Variants in EVC2 observed in about 807,000 individuals in gnomAD.
The protein encoded by EVC2 is limbin.
In EVC2, 148 loss-of-function variants were observed where a neutral mutation model predicts 149.3. The ratio of observed to expected loss-of-function variants is 0.99; its 90% CI spans 0.87 to 1.14. The LOEUF (loss-of-function observed/expected upper bound fraction) is 1.14, where lower values mean the gene tolerates loss of function less well. EVC2 is among the 50% of genes most tolerant of loss of function. The probability of loss-of-function intolerance (pLI) is 0.00; values close to 1 mark genes in which losing one functional copy is unlikely to be tolerated. For synonymous variants in EVC2, 776 were observed against 649.9 expected, an observed-to-expected ratio of 1.19 and a Z score of -2.95; for missense variants, 1,854 against 1,627.3, an observed-to-expected ratio of 1.14 and a Z score of -2.40.
chr4:5,706,018 CA>C (rs1157795283), intron 1 of EVC2, among the ~76,000 whole-genome samples: 3 of 152,272 alleles, frequency 2.0e-5, no homozygotes, highest in South Asian at 2.1e-4. Flanking sequence ...GTCCCAGCAT[CA>C]GGGGGCCAGA....
chr4:5,627,225 G>C (rs144686573), intron 12 of EVC2, among the ~76,000 whole-genome samples: 1 of 152,300 alleles, frequency 6.6e-6, no homozygotes, highest in South Asian at 2.1e-4. Flanking sequence ...GAAGGAACAG[G>C]TGAAGGAATC....
chr4:5,571,897 G>A (rs1283821477), intron 19 of EVC2, among the ~76,000 whole-genome samples: 3 of 152,162 alleles, frequency 2.0e-5, no homozygotes, highest in Non-Finnish European at 1.5e-5. Flanking sequence ...GGCCTGGAGA[G>A]AACAAGAAGG....
At chr4:5,550,144 G>A (rs1020544916) in intron 21 of EVC2, among the ~76,000 whole-genome samples, 23 of 152,158 alleles carry the variant, frequency 1.5e-4, no homozygotes, top group African/African-American at 4.8e-4. Flanking sequence ...TTGGTACTGG[G>A]AGTGGGGTGC....
chr4:5,598,772 G>T (rs977892047), intron 16 of EVC2, among the ~76,000 whole-genome samples: 1 of 152,114 alleles, frequency 6.6e-6, no homozygotes, highest in Non-Finnish European at 1.5e-5. Context: ...TACCACCAGA[G>T]TGAACAGGCA....
At chr4:5,620,850 C>T (rs148197732) in intron 14 of EVC2, among the ~76,000 whole-genome samples, 1,787 of 152,288 alleles carry the variant, frequency 0.012, 38 homozygotes, top group African/African-American at 0.041. Context: ...TCACTTGCTA[C>T]GAAGAGTCCA....
intron 9 of EVC2, among the ~76,000 whole-genome samples, chr4:5,641,676 G>C (rs539237883): frequency 6.6e-6 from 1 of 152,070 alleles, no homozygotes; most frequent in Admixed American, 6.6e-5. Flanking sequence ...TTATGTTATG[G>C]TAAAAATACA....
At chr4:5,638,105 T>C (rs1577191250) in intron 10 of EVC2, among the ~76,000 whole-genome samples, 1 of 151,822 alleles carries the variant, frequency 6.6e-6, no homozygotes, top group African/African-American at 2.4e-5. Context: ...TAAAAAAAAA[T>C]TGGCCATGCG....
At chr4:5,532,311 C>T in the EVC2 span, among the ~76,000 whole-genome samples, 1 of 152,142 alleles carries the variant, frequency 6.6e-6, no homozygotes, top group Admixed American at 6.5e-5. Context: ...GGACGAGGCC[C>T]ACCCACATTA....
chr4:5,580,530 T>C (rs1362320657), intron 17 of EVC2, among the ~76,000 whole-genome samples: 2 of 152,156 alleles, frequency 1.3e-5, no homozygotes, highest in Non-Finnish European at 2.9e-5. Flanking sequence ...ACTGAGGGTG[T>C]TTCTTGGGCA....
At position 5,622,389 on chromosome 4, in the gene EVC2, T is replaced by C. The variant is rs73794678; in HGVS notation, c.2501+148A>G. On this transcript the variant is annotated intron_variant, in intron 14 of 21. Transcript: ENST00000344408. This position sits in a 1 kb window ranked among gnomAD's most constrained non-coding sequence, Gnocchi z 5.8. ...CATTCGAGGTCCTCCCCCCGGGGCG[T>C]TGAGTTTATATGACTAATTAACGCT... The C allele has an allele frequency of 4.5e-3, 4,186 of 928,034 alleles. 102 individuals carry two copies. In the African/African-American group the frequency reaches 0.058, roughly 13 times the overall value. 57.5% of individuals were successfully genotyped at this position (928,034 alleles called of 1,614,324 possible).
chr4:5,593,926 C>G (rs113377644), intron 16 of EVC2, among the ~76,000 whole-genome samples: 4,449 of 152,334 alleles, frequency 0.029, 189 homozygotes, highest in African/African-American at 0.096. Context: ...ATATCCCCCA[C>G]CTGGCTTGGA....
At chr4:5,577,065 G>A (rs1317873965) in intron 17 of EVC2, among the ~76,000 whole-genome samples, 2 of 152,238 alleles carry the variant, frequency 1.3e-5, no homozygotes, top group Non-Finnish European at 2.9e-5. Flanking sequence ...GCACTGCTCT[G>A]TGTACTTTCC....
intron 16 of EVC2, among the ~76,000 whole-genome samples, chr4:5,591,735 T>C (rs995470660): frequency 2.0e-5 from 3 of 152,220 alleles, no homozygotes; most frequent in African/African-American, 7.2e-5. Flanking sequence ...AGAATGTGTC[T>C]CTAGAGAGGG....
intron 1 of EVC2, among the ~76,000 whole-genome samples, chr4:5,698,868 C>T (rs1211331305): frequency 6.6e-6 from 1 of 152,232 alleles, no homozygotes; most frequent in Non-Finnish European, 1.5e-5. Flanking sequence ...ATGCTCAGGC[C>T]TGGCTTTGGG....
intron 1 of EVC2, among the ~76,000 whole-genome samples, chr4:5,699,978 TA>T (rs1232850115): frequency 6.6e-6 from 1 of 151,612 alleles, no homozygotes; most frequent in Non-Finnish European, 1.5e-5. Context: ...CTGCCTCTAC[TA>T]AAAATACACA....
At chr4:5,556,976 T>G (rs1471059401) in intron 21 of EVC2, among the ~76,000 whole-genome samples, 1 of 152,186 alleles carries the variant, frequency 6.6e-6, no homozygotes, top group Non-Finnish European at 1.5e-5. Context: ...CAGATCATTT[T>G]ACTGGTGAAT....
At chr4:5,615,349 G>A (rs1387000664) in intron 16 of EVC2, 73 bp downstream of exon 16, 3 of 1,608,174 alleles carry the variant, frequency 1.9e-6, no homozygotes, top group African/African-American at 2.7e-5. Flanking sequence ...CTGTGTGCCT[G>A]CAAATGTGTC....
intron 9 of EVC2, among the ~76,000 whole-genome samples, chr4:5,661,066 T>G (rs1003646159): frequency 4.6e-5 from 7 of 152,214 alleles, no homozygotes; most frequent in Admixed American, 6.5e-5. Context: ...TTACAGTTTA[T>G]TGTCATCTTG....
In EVC2 at chr4:5,654,083, G is replaced by A. The variant is rs913578069; in HGVS notation, c.1145+9024C>T. Among the ~76,000 whole-genome samples the A allele has an allele frequency of 4.5e-4, 69 of 152,220 alleles. 1 individual carries two copies. The highest frequency in any genetic ancestry group is 1.6e-3 in the African/African-American group (68 of 41,540). ...ACAAAAATTAGCTGGGCGTGGTGGC[G>A]GGCGCCTGTAATCCCAGCTACTCAG... On this transcript the variant is annotated intron_variant, in intron 9 of 21. Transcript: ENST00000344408.
Sources: allele counts gnomAD v4.1 joint callset (sites outside exome capture counted in the v4.1 genomes callset), GRCh38; gene constraint gnomAD v4.1.1; non-coding constraint Gnocchi (gnomAD v3.1); transcripts MANE v1.5; gene names NCBI Gene and HGNC (gene_info 2026-07-23, HGNC 2026-07-21).